The following MYOM1 variants were observed in gnomAD, a reference collection of about 807,000 sequenced individuals.
The protein encoded by MYOM1 is myomesin-1.
Under a neutral mutation model 205.3 loss-of-function variants are expected in MYOM1, and 164 were observed. That is an observed-to-expected ratio of 0.80 (90% confidence interval 0.70 to 0.91). The LOEUF (loss-of-function observed/expected upper bound fraction) is 0.91. Ranked by LOEUF, MYOM1 falls within the 40% of genes least tolerant of loss-of-function variation. The pLI is 0.00. For synonymous variants in MYOM1, 772 were observed against 789.4 expected, an observed-to-expected ratio of 0.98 and a Z score of 0.37; for missense variants, 2,011 against 2,127.3, an observed-to-expected ratio of 0.95 and a Z score of 1.08.
At chr18:3,155,555 T>C (rs1038909995) in intron 10 of MYOM1, among the ~76,000 whole-genome samples, 4 of 152,292 alleles carry the variant, frequency 2.6e-5, no homozygotes, top group Non-Finnish European at 5.9e-5. Context: ...AACATAACAA[T>C]GTGTGTTTTT....
chr18:3,175,854 G>A (rs2080631333), intron 6 of MYOM1, among the ~76,000 whole-genome samples, 188 bp downstream of exon 6: 1 of 152,180 alleles, frequency 6.6e-6, no homozygotes, highest in Non-Finnish European at 1.5e-5. Flanking sequence ...GGGAGGTAGT[G>A]TGGGTATGGT....
intron 13 of MYOM1, among the ~76,000 whole-genome samples, chr18:3,146,857 T>C (rs2080130195): frequency 6.6e-6 from 1 of 151,734 alleles, no homozygotes; most frequent in Admixed American, 6.6e-5. Context: ...AATCCTGTAA[T>C]AGAAAATCCA....
rs200926487 is a variant in MYOM1, at chr18:3,123,678, T to TG, written c.2991+3022_2991+3023insC. Reference sequence around the variant, plus strand: ...TTGTCTTACTTATTATTATTACTATTTTTTTTTTTTTGGTAGAACTTGGGA... The same window carrying TG: ...TTGTCTTACTTATTATTATTACTATTGTTTTTTTTTTTGGTAGAACTTGGGA... On this transcript the variant is annotated intron_variant, in intron 19 of 37. Coordinates refer to ENST00000356443, the MANE Select transcript of MYOM1 (RefSeq NM_003803.4). Among the ~76,000 whole-genome samples, 18 of 146,814 alleles carry TG rather than the reference T, an allele frequency of 1.2e-4. 1 individual carries two copies. Among genetic ancestry groups the TG allele is most frequent in the South Asian group, 6.4e-4 (3 of 4,720 alleles).
rs2080959071 is a variant in MYOM1, at chr18:3,194,060, C to G, written c.291-102G>C. On this transcript the variant is annotated intron_variant, in intron 2 of 37. Coordinates refer to ENST00000356443, the MANE Select transcript of MYOM1 (RefSeq NM_003803.4). ...TAACTTGGGAGAAATTTTACCAAATCCTAGATCTCTAATGTTACAATTATC... is the reference window on the plus strand; with the variant it reads ...TAACTTGGGAGAAATTTTACCAAATGCTAGATCTCTAATGTTACAATTATC... 3 of 1,181,746 alleles carry G rather than the reference C, an allele frequency of 2.5e-6. No homozygotes were observed. In the Admixed American group the frequency reaches 7.5e-5, roughly 30 times the overall value. 73.2% of individuals were successfully genotyped at this position (1,181,746 alleles called of 1,614,324 possible).
At chr18:3,087,292 T>G (rs765246342) in intron 29 of MYOM1, among the ~76,000 whole-genome samples, 1 of 151,250 alleles carries the variant, frequency 6.6e-6, no homozygotes, top group Admixed American at 6.6e-5. Context: ...AAGATACTAG[T>G]TCCTCAGGGC....
At chr18:3,074,948 T>C (rs1214806216) in intron 36 of MYOM1, among the ~76,000 whole-genome samples, 1 of 152,004 alleles carries the variant, frequency 6.6e-6, no homozygotes, top group African/African-American at 2.4e-5. Flanking sequence ...CACCCGCCAC[T>C]ACACCCGGCT....
At position 3,180,053 on chromosome 18, in the gene MYOM1, T is replaced by C. The variant is rs11874968; in HGVS notation, c.930-3919A>G. ...AGTTCATGCCTGTAATCCCAGAACT[T>C]TGGGAGGCTGAAGCAGGAGGATCGT... On this transcript the variant is annotated intron_variant, in intron 5 of 37. Transcript: ENST00000356443. Among the ~76,000 whole-genome samples the C allele has an allele frequency of 8.0e-3, 1,217 of 152,248 alleles. 24 individuals carry two copies. Among genetic ancestry groups the C allele is most frequent in the African/African-American group, 0.028 (1,160 of 41,542 alleles).
intron 18 of MYOM1, among the ~76,000 whole-genome samples, chr18:3,127,179 G>A (rs960088429): frequency 6.4e-4 from 96 of 149,222 alleles, no homozygotes; most frequent in Non-Finnish European, 1.3e-4. Flanking sequence ...TTTTTCCCAA[G>A]GTATAATTTT....
In MYOM1 at chr18:3,126,336, C is replaced by T. The variant is rs574035572; in HGVS notation, c.2991+365G>A. Among the ~76,000 whole-genome samples, 74 of 126,728 alleles carry T rather than the reference C, an allele frequency of 5.8e-4. 1 individual carries two copies. The South Asian group carries it at 0.012, about 20-fold the overall frequency. 83.1% of individuals were successfully genotyped at this position (126,728 alleles called of 152,430 possible). On this transcript the variant is annotated intron_variant, in intron 19 of 37. Coordinates refer to ENST00000356443, the MANE Select transcript of MYOM1 (RefSeq NM_003803.4). The stretch of plus-strand genomic sequence containing the variant: ...AATCCTGGGAATCTTTTTTTTTTTT[C>T]CCCCTCAACTTGAGGGCTGCAGAAG...
In MYOM1 at chr18:3,132,110, A is replaced by ATGTGTG. The variant is rs1231816972; in HGVS notation, c.2385-620_2385-615dup. On this transcript the variant is annotated intron_variant, in intron 16 of 37. Transcript: ENST00000356443. ...TTATACTCTAAAATTATTATTATATATGTGTGTGTATATATATATATATAT... is the reference window on the plus strand; with the variant it reads ...TTATACTCTAAAATTATTATTATATATGTGTGTGTGTGTGTATATATATATATATAT... Among the ~76,000 whole-genome samples, 5 of 70,510 alleles carry ATGTGTG rather than the reference A, an allele frequency of 7.1e-5. No individual in the cohort carries two copies. The South Asian group carries it at 3.6e-3, about 51-fold the overall frequency. 46.3% of individuals were successfully genotyped at this position (70,510 alleles called of 152,430 possible).
intron 33 of MYOM1, among the ~76,000 whole-genome samples, chr18:3,082,451 A>G (rs1787832588): frequency 6.6e-6 from 1 of 152,194 alleles, no homozygotes; most frequent in African/African-American, 2.4e-5. Context: ...GTGAATGTGA[A>G]ATGAATTCAC....
At chr18:3,162,113 T>C (rs187446660) in intron 10 of MYOM1, among the ~76,000 whole-genome samples, 1 of 152,282 alleles carries the variant, frequency 6.6e-6, no homozygotes, top group East Asian at 1.9e-4. Context: ...TCTACCTGCA[T>C]TGTTTATATT....
chr18:3,109,736 G>C (rs926740434), intron 22 of MYOM1, among the ~76,000 whole-genome samples: 18 of 152,178 alleles, frequency 1.2e-4, no homozygotes, highest in African/African-American at 4.3e-4. Context: ...TACAGACACA[G>C]AGATAACTGA....
In MYOM1 at chr18:3,168,818, G is replaced by A. The variant is rs2230167; in HGVS notation, c.1338C>T (p.Asn446=). The change falls in exon 9 of 38, where the codon AAC becomes AAT. Residue 446 remains asparagine (N), a splice_region_variant and synonymous_variant. Transcript: ENST00000356443. ...HFQPEIQWYR[N]GVPLSPSKWV... ...TGAGCATTCATTGTAAAGACTCACC[G>A]TTTCTGTACCACTGGATCTCTGGCT... The A allele has an allele frequency of 0.27, 433,466 of 1,612,432 alleles. 59,073 individuals are homozygous for A. The highest frequency in any genetic ancestry group is 0.32 in the African/African-American group (24,105 of 74,856).
At chr18:3,184,186 G>A (rs1265936772) in intron 5 of MYOM1, among the ~76,000 whole-genome samples, 1 of 152,154 alleles carries the variant, frequency 6.6e-6, no homozygotes, top group Non-Finnish European at 1.5e-5. Flanking sequence ...GATTACAGGT[G>A]TGAGCCAGCT....
chr18:3,084,073 A>C (rs2079121956), intron 31 of MYOM1, 46 bp from the exon 32 acceptor site: 16 of 1,546,662 alleles, frequency 1.0e-5, no homozygotes, highest in Non-Finnish European at 1.4e-5. Context: ...AAAAATTCTC[A>C]ATGTAAGGTT....
At position 3,083,697 on chromosome 18, in the gene MYOM1, C is replaced by T. The variant is rs933154437; in HGVS notation, c.4484+92G>A. 99 of 912,570 alleles carry T rather than the reference C, an allele frequency of 1.1e-4. 1 individual carries two copies. The Middle Eastern group carries it at 1.8e-3, about 17-fold the overall frequency. The allele number at this position is 912,570 out of a possible 1,614,324, so 56.5% of individuals were successfully genotyped here. On this transcript the variant is annotated intron_variant, in intron 33 of 37. Coordinates refer to ENST00000356443, the MANE Select transcript of MYOM1 (RefSeq NM_003803.4). Reference sequence around the variant, plus strand: ...CTGACCTCAAATGATCCACCTGCCTCGGCCTCCCAAAGTGCTGGGATTACA... The same window carrying T: ...CTGACCTCAAATGATCCACCTGCCTTGGCCTCCCAAAGTGCTGGGATTACA...
At chr18:3,174,767 C>A (rs185463982) in intron 6 of MYOM1, among the ~76,000 whole-genome samples, 5 of 152,202 alleles carry the variant, frequency 3.3e-5, no homozygotes, top group Admixed American at 3.3e-4. Context: ...TCTATGTGTT[C>A]TAGCTTCAAA....
chr18:3,105,715 C>T (rs1024246652), intron 22 of MYOM1, among the ~76,000 whole-genome samples: 2 of 152,064 alleles, frequency 1.3e-5, no homozygotes, highest in African/African-American at 4.8e-5. Context: ...ATTAGCCAGG[C>T]GTGGTGGCGC....
Sources: allele counts gnomAD v4.1 joint callset (sites outside exome capture counted in the v4.1 genomes callset), GRCh38; gene constraint gnomAD v4.1.1; transcripts MANE v1.5; gene names NCBI Gene and HGNC (gene_info 2026-07-23, HGNC 2026-07-21).